Variants in MAP4 observed in about 807,000 individuals in gnomAD.
MAP4 encodes microtubule associated protein 4, also known as microtubule-associated protein 4.
MAP4 carries 76 observed loss-of-function variants against 170.2 expected under a neutral mutation model. The ratio of observed to expected loss-of-function variants is 0.45; its 90% CI spans 0.37 to 0.54. The LOEUF is 0.54. MAP4 is among the 20% of genes least tolerant of loss of function. The pLI is 0.00. For missense variants in MAP4, 2,506 were observed against 2,748.0 expected, an observed-to-expected ratio of 0.91 and a Z score of 1.97; for synonymous variants, 909 against 994.5, an observed-to-expected ratio of 0.91 and a Z score of 1.62.
chr3:47,916,468 G>T lies in MAP4; in HGVS notation c.1359C>A (p.Pro453=), dbSNP rs759544990. The T allele has an allele frequency of 1.2e-6, 2 of 1,614,174 alleles. No homozygotes were observed. The highest frequency in any genetic ancestry group is 1.7e-6 in the Non-Finnish European group (2 of 1,180,032). ...EVALARDMTL[P]PETNVILTKD... is the part of the protein sequence containing the mutation. ...TGGTCAAGATCACGTTGGTTTCCGGGGGCAGTGTCATGTCCCTGGCCAGGG... is the reference window on the plus strand; with the variant it reads ...TGGTCAAGATCACGTTGGTTTCCGGTGGCAGTGTCATGTCCCTGGCCAGGG... The change falls in exon 7 of 21, where the codon CCC becomes CCA. Residue 453 remains proline (P), a synonymous_variant. Coordinates refer to ENST00000683076, the MANE Select transcript of MAP4 (RefSeq NM_001385682.1).
intron 1 of MAP4, among the ~76,000 whole-genome samples, chr3:48,041,034 C>A (rs2100121394): frequency 6.6e-6 from 1 of 151,890 alleles, no homozygotes; most frequent in African/African-American, 2.4e-5. Context: ...CAAGTACCTG[C>A]GTCAACAATC....
intron 1 of MAP4, among the ~76,000 whole-genome samples, chr3:48,010,185 A>G (rs532441102): frequency 1.3e-5 from 2 of 152,322 alleles, no homozygotes; most frequent in South Asian, 4.1e-4. Flanking sequence ...GGATCACTCC[A>G]CCAGGAAAAA....
intron 2 of MAP4, chr3:47,987,288 A>C (rs1313766595): frequency 2.3e-6 from 2 of 854,438 alleles, no homozygotes; most frequent in African/African-American, 3.4e-5. Flanking sequence ...CCTGTGCTAG[A>C]GCATGTTAAT....
At chr3:47,984,925 T>C (rs958505282) in intron 2 of MAP4, among the ~76,000 whole-genome samples, 1 of 151,160 alleles carries the variant, frequency 6.6e-6, no homozygotes, top group African/African-American at 2.4e-5. Flanking sequence ...GCCGAGATCA[T>C]GCCACTGCCC....
intron 8 of MAP4, among the ~76,000 whole-genome samples, chr3:47,913,997 T>G (rs569952443): frequency 1.4e-4 from 22 of 152,330 alleles, no homozygotes; most frequent in African/African-American, 4.6e-4. Flanking sequence ...TCTGGGGATC[T>G]AATTAAAATG....
intron 1 of MAP4, among the ~76,000 whole-genome samples, chr3:48,070,841 GAAAAAAA>G (rs79176172): frequency 8.4e-6 from 1 of 119,588 alleles, no homozygotes; most frequent in African/African-American, 3.1e-5. Context: ...GTCTCTACAG[GAAAAAAA>G]AAAAAAAAAG....
intron 3 of MAP4, chr3:47,960,833 T>TTA: frequency 5.5e-6 from 1 of 183,198 alleles, no homozygotes; most frequent in South Asian, 1.5e-4. Context: ...TTCACTAGGT[T>TTA]TACAAACTCT....
At chr3:48,028,938 T>C (rs1179872853) in intron 1 of MAP4, among the ~76,000 whole-genome samples, 1 of 150,846 alleles carries the variant, frequency 6.6e-6, no homozygotes, top group Non-Finnish European at 1.5e-5. Context: ...AGCCCAGGAG[T>C]TCAAGACCAG....
intron 1 of MAP4, among the ~76,000 whole-genome samples, chr3:48,073,252 TACACACACACACACACACACACACACAC>T (rs35163339): frequency 7.4e-4 from 99 of 134,582 alleles, no homozygotes; most frequent in African/African-American, 2.7e-3. Context: ...TCCAAAGGAA[TACACACACACACACACACACACACACAC>T]ACACACACAC....
At chr3:47,991,368 AAGAACATATCG>A (rs2100092076) in intron 2 of MAP4, among the ~76,000 whole-genome samples, 1 of 152,186 alleles carries the variant, frequency 6.6e-6, no homozygotes, top group African/African-American at 2.4e-5. Flanking sequence ...AGCCTGTTGT[AAGAACATATCG>A]AGAGCACTAG....
Position 48,026,305 on chromosome 3 carries a change from G to T in MAP4, c.-19-27426C>A, listed in dbSNP as rs144825933. Among the ~76,000 whole-genome samples the T allele has an allele frequency of 4.7e-4, 72 of 152,264 alleles. 1 individual carries two copies. The highest frequency in any genetic ancestry group is 1.6e-3 in the African/African-American group (68 of 41,550). On this transcript the variant is annotated intron_variant, in intron 1 of 18. Coordinates refer to the MAP4 transcript ENST00000360240. ...TACTTGTAAATAAACATTCCCACAA[G>T]AGACTACATCATAAACGCTCATATT...
At chr3:48,036,706 T>TCC (rs2100118919) in intron 1 of MAP4, among the ~76,000 whole-genome samples, 1 of 152,312 alleles carries the variant, frequency 6.6e-6, no homozygotes, top group Non-Finnish European at 1.5e-5. Flanking sequence ...AGAGTGAATC[T>TCC]CCCTAAGTTT....
chr3:48,012,684 A>G (rs2100105884), intron 1 of MAP4, among the ~76,000 whole-genome samples: 1 of 152,084 alleles, frequency 6.6e-6, no homozygotes, highest in African/African-American at 2.4e-5. Context: ...ACACTCTCAG[A>G]TGACTTCCTG....
intron 1 of MAP4, among the ~76,000 whole-genome samples, chr3:48,025,783 C>A (rs2100112746): frequency 6.6e-6 from 1 of 151,612 alleles, no homozygotes; most frequent in African/African-American, 2.4e-5. Flanking sequence ...ACCCATAATC[C>A]CAGCTACTCA....
At chr3:48,012,285 C>G (rs867771327) in intron 1 of MAP4, among the ~76,000 whole-genome samples, 2 of 152,148 alleles carry the variant, frequency 1.3e-5, no homozygotes, top group Admixed American at 6.6e-5. Flanking sequence ...GCTTTCCTTT[C>G]GATTAATAGA....
chr3:47,953,133 A>C (rs890641940), intron 3 of MAP4, among the ~76,000 whole-genome samples: 3 of 152,136 alleles, frequency 2.0e-5, no homozygotes, highest in Admixed American at 6.5e-5. Context: ...CTGCATCTTG[A>C]GTATGGTATG....
chr3:47,871,547 T>TA (rs1467617924), intron 13 of MAP4, among the ~76,000 whole-genome samples: 9 of 152,084 alleles, frequency 5.9e-5, no homozygotes, highest in African/African-American at 2.2e-4. Context: ...GCCCTCTTCT[T>TA]ATCATCATGT....
At chr3:48,056,102 G>T (rs1486687389) in intron 1 of MAP4, among the ~76,000 whole-genome samples, 1 of 148,516 alleles carries the variant, frequency 6.7e-6, no homozygotes, top group African/African-American at 2.4e-5. Flanking sequence ...CACCCCGTCC[G>T]GGAGGGAGGT....
chr3:48,058,628 G>A (rs964891306), intron 1 of MAP4, among the ~76,000 whole-genome samples: 1 of 152,128 alleles, frequency 6.6e-6, no homozygotes, highest in African/African-American at 2.4e-5. Flanking sequence ...TATTTTACCA[G>A]AATGACCCAA....
Sources: gnomAD v4.1 joint callset for allele counts (sites outside exome capture counted in the v4.1 genomes callset) on GRCh38, gnomAD v4.1.1 for gene constraint, MANE v1.5 for transcripts, NCBI Gene and HGNC (gene_info 2026-07-23, HGNC 2026-07-21) for gene names.